UBE3C: variants seen among roughly 807,000 people sequenced by gnomAD.
UBE3C encodes ubiquitin protein ligase E3C.
A neutral mutation model predicts 129.4 loss-of-function variants in UBE3C; 42 were observed. The ratio of observed to expected loss-of-function variants is 0.32; its 90% CI spans 0.25 to 0.42. The LOEUF (loss-of-function observed/expected upper bound fraction) is 0.42, where lower values mean the gene tolerates loss of function less well. Among genes scored for constraint, UBE3C ranks in the 10% least tolerant of loss-of-function variants. The pLI, the probability that UBE3C is intolerant of heterozygous loss-of-function variation, is 1.00. For synonymous variants in UBE3C, 510 were observed against 492.4 expected, an observed-to-expected ratio of 1.04 and a Z score of -0.47; for missense variants, 1,049 against 1,319.1, an observed-to-expected ratio of 0.80 and a Z score of 3.17.
At chr7:157,139,696 A>G (rs1447340986) in intron 1 of UBE3C, among the ~76,000 whole-genome samples, 1 of 152,166 alleles carries the variant, frequency 6.6e-6, no homozygotes, top group Non-Finnish European at 1.5e-5. Flanking sequence ...AGGCCGGTGA[A>G]CCCTGGCACG....
intron 10 of UBE3C, among the ~76,000 whole-genome samples, chr7:157,195,876 C>A (rs952605393): frequency 6.6e-6 from 1 of 151,962 alleles, no homozygotes; most frequent in East Asian, 1.9e-4. Context: ...GGTGGCGGGG[C>A]GGGGGTTGCA....
intron 10 of UBE3C, among the ~76,000 whole-genome samples, chr7:157,199,461 TTTTTA>T (rs1236497048): frequency 3.3e-5 from 5 of 151,858 alleles, no homozygotes; most frequent in Admixed American, 6.6e-5. Flanking sequence ...ATTTTTTTTA[TTTTTA>T]TTTTATTTTA....
intron 22 of UBE3C, among the ~76,000 whole-genome samples, chr7:157,262,619 C>T (rs1796950604): frequency 6.6e-6 from 1 of 151,782 alleles, no homozygotes. Context: ...CAGGATTTCA[C>T]CATGTTGGCC....
rs572742616 is a variant in UBE3C, at chr7:157,244,511, CTT to C, written c.2482-3856_2482-3855del. On this transcript the variant is annotated intron_variant, in intron 18 of 22. Transcript: ENST00000348165. ...ATGGCTTTAAAGCAAGACATCATCT[CTT>C]ATATAGTTTTTAGATTAAGTTATAA... Among the ~76,000 whole-genome samples the C allele has an allele frequency of 3.2e-3, 484 of 152,236 alleles. 5 individuals are homozygous for C. Among genetic ancestry groups the C allele is most frequent in the African/African-American group, 0.011 (462 of 41,536 alleles).
chr7:157,175,098 C>A, intron 5 of UBE3C, 64 bp downstream of exon 5: 1 of 915,950 alleles, frequency 1.1e-6, no homozygotes, highest in Non-Finnish European at 1.5e-6. Flanking sequence ...AGGGGAACAC[C>A]TTTTGACTTT....
rs1160446728 is a variant in UBE3C, at chr7:157,175,051, A to T, written c.458+17A>T. On this transcript the variant is annotated intron_variant, in intron 5 of 22. Coordinates refer to ENST00000348165, the MANE Select transcript of UBE3C (RefSeq NM_014671.3). ...CTGTTGCAGGTAAAATTCTATTGTA[A>T]GTCAGTAACGTATATAATGTATTGA... is the stretch of plus-strand genomic sequence containing the variant. 1.0e-5 allele frequency: 16 copies of T among 1,594,426 alleles called. No individual in the cohort carries two copies. In the Admixed American group the frequency reaches 2.7e-4, roughly 27 times the overall value.
intron 22 of UBE3C, among the ~76,000 whole-genome samples, chr7:157,260,844 C>A (rs1796883379): frequency 6.6e-6 from 1 of 152,166 alleles, no homozygotes; most frequent in South Asian, 2.1e-4. Flanking sequence ...AGGTTCTAGA[C>A]ATTCTGACAG....
In UBE3C at chr7:157,248,390, T is replaced by C. The variant is rs1409883982; in HGVS notation, c.2504T>C (p.Val835Ala). ...AAGGCTCTCTATGAGAACATGCTGG[T>C]GGAGCTGCCCTTTGCAGGCTTCTTT... ...LGKALYENML[V>A]ELPFAGFFLS... is the part of the protein sequence containing the mutation. The change falls in exon 19 of 23, where the codon GTG becomes GCG. Residue 835 changes from valine to alanine, a missense_variant. Transcript: ENST00000348165. The C allele has an allele frequency of 5.6e-6, 9 of 1,613,440 alleles. No individual in the cohort carries two copies. The highest frequency in any genetic ancestry group is 7.6e-6 in the Non-Finnish European group (9 of 1,180,018).
intron 5 of UBE3C, among the ~76,000 whole-genome samples, chr7:157,175,236 A>G (rs1262238575): frequency 6.7e-6 from 1 of 149,618 alleles, no homozygotes; most frequent in East Asian, 2.0e-4. Context: ...ATGAAGACAC[A>G]TATTCAGTAT....
At chr7:157,175,619 T>C (rs1808496673) in intron 5 of UBE3C, among the ~76,000 whole-genome samples, 1 of 152,194 alleles carries the variant, frequency 6.6e-6, no homozygotes, top group Non-Finnish European at 1.5e-5. Flanking sequence ...GAGCCTTCCA[T>C]ATAATTTCAC....
chr7:157,218,599 G>A lies in UBE3C; in HGVS notation c.1914+1628G>A, dbSNP rs531769420. Reference sequence around the variant, plus strand: ...TAACTCTGCCCACTGACAAGGTAGAGCAATGGTGGCAGATCCCCCAGCAGT... The same window carrying A: ...TAACTCTGCCCACTGACAAGGTAGAACAATGGTGGCAGATCCCCCAGCAGT... On this transcript the variant is annotated intron_variant, in intron 14 of 22. Coordinates refer to ENST00000348165, the MANE Select transcript of UBE3C (RefSeq NM_014671.3). Among the ~76,000 whole-genome samples, 108 of 152,332 alleles carry A rather than the reference G, an allele frequency of 7.1e-4. 2 individuals are homozygous for A. The highest frequency in any genetic ancestry group is 1.1e-3 in the Non-Finnish European group (76 of 68,024).
At chr7:157,190,723 G>A (rs1210665608) in intron 10 of UBE3C, among the ~76,000 whole-genome samples, 1 of 151,832 alleles carries the variant, frequency 6.6e-6, no homozygotes, top group Non-Finnish European at 1.5e-5. Context: ...TTTGCTTTTA[G>A]GAAAAAATTC....
At chr7:157,176,696 A>T (rs989361028) in intron 5 of UBE3C, among the ~76,000 whole-genome samples, 5 of 152,204 alleles carry the variant, frequency 3.3e-5, no homozygotes, top group Non-Finnish European at 7.3e-5. Context: ...TGGTCTGCTT[A>T]TAGGTAGAGA....
intron 1 of UBE3C, among the ~76,000 whole-genome samples, chr7:157,149,827 T>C (rs1807710085): frequency 6.6e-6 from 1 of 152,226 alleles, no homozygotes; most frequent in Non-Finnish European, 1.5e-5. Context: ...AATTTGGAAG[T>C]GGGGCATCTT....
At position 157,183,970 on chromosome 7, in the gene UBE3C, C is replaced by A; in HGVS notation, c.1084C>A (p.His362Asn). 1 of 1,614,178 alleles carries A rather than the reference C, an allele frequency of 6.2e-7. No homozygotes were observed. Among genetic ancestry groups the A allele is most frequent in the Middle Eastern group, 1.6e-4 (1 of 6,062 alleles). The change falls in exon 9 of 23, where the codon CAC (histidine) becomes AAC (asparagine). Residue 362 changes from histidine to asparagine, a missense_variant. His to Asn is a moderately conservative substitution (Grantham distance 68, BLOSUM62 1). This residue lies in a region of UBE3C where 489 missense variants were observed against 513.8 expected (regional missense o/e 0.95). Coordinates refer to ENST00000348165, the MANE Select transcript of UBE3C (RefSeq NM_014671.3). ...AGTCTCTCCTGCCAGCGCGAGCTGT[C>A]ACGACTCAGCCAGTGACTCTGAGGA... is the stretch of plus-strand genomic sequence containing the variant. ...LPVSPASASC[H>N]DSASDSEEES...
rs546936541 is a variant in UBE3C at position 157,223,445 on chromosome 7, T to G, written c.2100+94T>G. On this transcript the variant is annotated intron_variant, in intron 16 of 22. Coordinates refer to ENST00000348165, the MANE Select transcript of UBE3C (RefSeq NM_014671.3). ...CAGAGAAATCTCTAAAGGTGCCTAG[T>G]GCCTGGCTGATTACATAACATACTT... 6.4e-6 allele frequency: 7 copies of G among 1,090,118 alleles called. No homozygotes were observed. The South Asian group carries it at 1.1e-4, about 18-fold the overall frequency. 67.5% of individuals were successfully genotyped at this position (1,090,118 alleles called of 1,614,324 possible). A position where few individuals can be genotyped will look rare whatever the true frequency, so the allele number is the denominator to read the frequency against.
intron 2 of UBE3C, among the ~76,000 whole-genome samples, chr7:157,164,725 C>G (rs1808166844): frequency 1.3e-5 from 2 of 152,018 alleles, no homozygotes; most frequent in Non-Finnish European, 2.9e-5. Flanking sequence ...TGAGAACTTA[C>G]TATGTATGTA....
chr7:157,192,632 G>C, intron 10 of UBE3C: 1 of 765,762 alleles, frequency 1.3e-6, no homozygotes. Context: ...CTCCCAAGAA[G>C]AATAAGCGCA....
chr7:157,188,919 AT>A, intron 10 of UBE3C: 1 of 654,744 alleles, frequency 1.5e-6, no homozygotes, highest in Non-Finnish European at 2.8e-6. Context: ...AGGATTTGCC[AT>A]TTAATTTCTG....
Sources: allele counts gnomAD v4.1 joint callset (sites outside exome capture counted in the v4.1 genomes callset), GRCh38; gene constraint gnomAD v4.1.1; regional missense constraint gnomAD v4.1.1; transcripts MANE v1.5; gene names NCBI Gene and HGNC (gene_info 2026-07-23, HGNC 2026-07-21).